FMNL2: variants seen among roughly 807,000 people sequenced by gnomAD.
FMNL2 encodes formin-like protein 2.
FMNL2 carries 51 observed loss-of-function variants against 130.2 expected under a neutral mutation model. The ratio of observed to expected loss-of-function variants is 0.39; its 90% CI spans 0.31 to 0.49. The LOEUF is 0.49. Among genes scored for constraint, FMNL2 ranks in the 20% least tolerant of loss-of-function variants. The pLI, the probability that FMNL2 is intolerant of heterozygous loss-of-function variation, is 0.85. For missense variants in FMNL2, 977 were observed against 1,316.2 expected, an observed-to-expected ratio of 0.74 and a Z score of 3.99; for synonymous variants, 465 against 467.1, an observed-to-expected ratio of 1.00 and a Z score of 0.06.
At chr2:152,414,961 G>A (rs959059611) in intron 1 of FMNL2, among the ~76,000 whole-genome samples, 11 of 151,606 alleles carry the variant, frequency 7.3e-5, no homozygotes, top group African/African-American at 2.7e-4. Context: ...TTTGTCAGGG[G>A]AATGTGAGAT....
At chr2:152,574,986 T>A in intron 6 of FMNL2, 150 bp from the exon 7 acceptor site, 1 of 550,142 alleles carries the variant, frequency 1.8e-6, no homozygotes, top group South Asian at 2.6e-5. Flanking sequence ...ATTTTAGAGG[T>A]TGAAATCAAT....
intron 1 of FMNL2, among the ~76,000 whole-genome samples, chr2:152,514,922 A>G (rs1692679621): frequency 6.6e-6 from 1 of 152,154 alleles, no homozygotes; most frequent in Non-Finnish European, 1.5e-5. Flanking sequence ...AAACTCTATG[A>G]TGCAGGTAGT....
intron 1 of FMNL2, among the ~76,000 whole-genome samples, chr2:152,391,569 C>A (rs1685109453): frequency 1.3e-5 from 2 of 151,858 alleles, no homozygotes; most frequent in Non-Finnish European, 2.9e-5. Context: ...CCAGGGGTGG[C>A]AAGTTGACTC....
At chr2:152,439,145 G>A (rs1374328340) in intron 1 of FMNL2, among the ~76,000 whole-genome samples, 3 of 150,276 alleles carry the variant, frequency 2.0e-5, no homozygotes, top group African/African-American at 7.4e-5. Context: ...CAGGTTTAAT[G>A]TCCCTATCTT....
chr2:152,550,935 C>T (rs989406828), intron 4 of FMNL2, among the ~76,000 whole-genome samples: 2 of 151,916 alleles, frequency 1.3e-5, no homozygotes, highest in Non-Finnish European at 1.5e-5. Context: ...GTCAGGAGTT[C>T]GACACCAGCC....
At chr2:152,373,116 CAA>C (rs751866119) in intron 1 of FMNL2, among the ~76,000 whole-genome samples, 2 of 152,158 alleles carry the variant, frequency 1.3e-5, no homozygotes, top group Non-Finnish European at 2.9e-5. Context: ...TGGGTTTAAA[CAA>C]AGTTATCTTG....
Position 152,645,997 on chromosome 2 carries a change from T to C in FMNL2, c.3170-1799T>C, listed in dbSNP as rs145432813. Among the ~76,000 whole-genome samples the C allele has an allele frequency of 4.7e-3, 721 of 152,082 alleles. 3 individuals are homozygous for C. The highest frequency in any genetic ancestry group is 0.017 in the African/African-American group (698 of 41,472). The stretch of plus-strand genomic sequence containing the variant: ...CTAGGAAGCAGAGGCTTGAGAGGAT[T>C]GGGGTATGCAAAACTATTTTTTCCT... On this transcript the variant is annotated intron_variant, in intron 25 of 25. Coordinates refer to ENST00000288670, the MANE Select transcript of FMNL2 (RefSeq NM_052905.4).
chr2:152,361,909 C>T (rs915410511), intron 1 of FMNL2, among the ~76,000 whole-genome samples: 1 of 152,180 alleles, frequency 6.6e-6, no homozygotes, highest in African/African-American at 2.4e-5. Context: ...CAGAATATGA[C>T]AAGTTACACT....
chr2:152,441,286 C>G (rs560701208), intron 1 of FMNL2, among the ~76,000 whole-genome samples: 37 of 152,258 alleles, frequency 2.4e-4, no homozygotes, highest in Middle Eastern at 3.4e-3. Context: ...CCAGCACATT[C>G]AAATACAGAG....
intron 1 of FMNL2, among the ~76,000 whole-genome samples, chr2:152,349,585 G>A (rs1040129245): frequency 3.3e-5 from 5 of 152,198 alleles, no homozygotes; most frequent in African/African-American, 1.2e-4. Context: ...TACAATAGCT[G>A]CTTTGAATGA....
At chr2:152,513,473 T>TA (rs1330470894) in intron 1 of FMNL2, among the ~76,000 whole-genome samples, 2 of 152,352 alleles carry the variant, frequency 1.3e-5, no homozygotes, top group East Asian at 3.9e-4. Flanking sequence ...GTCTTTGCTC[T>TA]ACCATTGGTA....
At chr2:152,451,916 T>G (rs1688671002) in intron 1 of FMNL2, among the ~76,000 whole-genome samples, 3 of 152,032 alleles carry the variant, frequency 2.0e-5, no homozygotes, top group African/African-American at 7.2e-5. Context: ...GAGAATACAC[T>G]GTAGAGAAAA....
chr2:152,375,267 C>G (rs1245159725), intron 1 of FMNL2, among the ~76,000 whole-genome samples: 2 of 152,196 alleles, frequency 1.3e-5, no homozygotes, highest in Non-Finnish European at 2.9e-5. Flanking sequence ...CCAGAGGATT[C>G]AAGCCCTGTC....
intron 1 of FMNL2, among the ~76,000 whole-genome samples, chr2:152,481,525 A>G (rs1217544201): frequency 6.6e-6 from 1 of 152,162 alleles, no homozygotes; most frequent in Non-Finnish European, 1.5e-5. Context: ...TTTTCCCCCA[A>G]GATTCTGATT....
intron 6 of FMNL2, among the ~76,000 whole-genome samples, chr2:152,572,282 C>A (rs903408320): frequency 6.6e-6 from 1 of 152,124 alleles, no homozygotes; most frequent in East Asian, 1.9e-4. Context: ...CCTAGACCAT[C>A]TCAGTAATGT....
chr2:152,504,939 A>G (rs1161389550), intron 1 of FMNL2, among the ~76,000 whole-genome samples: 1 of 152,216 alleles, frequency 6.6e-6, no homozygotes, highest in African/African-American at 2.4e-5. Context: ...GTGTAAGGAA[A>G]AGCAAAGGTG....
rs191448321 is a variant in FMNL2 at position 152,582,259 on chromosome 2, C to T, written c.876+1210C>T. Among the ~76,000 whole-genome samples the T allele has an allele frequency of 1.5e-4, 23 of 152,242 alleles. No individual in the cohort carries two copies. In the East Asian group the frequency reaches 1.5e-3, roughly 10 times the overall value. On this transcript the variant is annotated intron_variant, in intron 9 of 25. Transcript: ENST00000288670. ...GAAATACTGAAATGAGACAGGACTTCGGAGCTATTTCCCCTGCCTCCTACC... is the reference window on the plus strand; with the variant it reads ...GAAATACTGAAATGAGACAGGACTTTGGAGCTATTTCCCCTGCCTCCTACC...
chr2:152,493,359 C>G (rs562629929), intron 1 of FMNL2, among the ~76,000 whole-genome samples: 96 of 152,186 alleles, frequency 6.3e-4, no homozygotes, highest in Non-Finnish European at 1.2e-3. Context: ...GATACTGATT[C>G]ATTCAAATCT....
chr2:152,583,853 C>G (rs1183316413), intron 9 of FMNL2, among the ~76,000 whole-genome samples: 1 of 152,128 alleles, frequency 6.6e-6, no homozygotes, highest in Non-Finnish European at 1.5e-5. Context: ...TCTGCTGCAA[C>G]CATCCTGCAT....
Sources: gnomAD v4.1 joint callset for allele counts (sites outside exome capture counted in the v4.1 genomes callset) on GRCh38, gnomAD v4.1.1 for gene constraint, MANE v1.5 for transcripts, NCBI Gene and HGNC (gene_info 2026-07-23, HGNC 2026-07-21) for gene names.